Variants in PARL observed in about 807,000 individuals in gnomAD.
PARL encodes presenilin-associated rhomboid-like protein, mitochondrial.
PARL carries 44 observed loss-of-function variants against 51.6 expected under a neutral mutation model. The observed-to-expected ratio is 0.85, with a 90% CI of 0.67 to 1.10. The LOEUF is 1.10. Ranked by LOEUF, PARL falls within the 50% of genes least tolerant of loss-of-function variation. The pLI is 0.00. For synonymous variants in PARL, 172 were observed against 164.0 expected, an observed-to-expected ratio of 1.05 and a Z score of -0.37; for missense variants, 441 against 469.5, an observed-to-expected ratio of 0.94 and a Z score of 0.56.
intron 4 of PARL, among the ~76,000 whole-genome samples, chr3:183,860,814 C>CTTTTT (rs11405513): frequency 3.2e-5 from 4 of 126,730 alleles, no homozygotes; most frequent in Non-Finnish European, 6.5e-5. Context: ...AATTTCGTTA[C>CTTTTT]TTTTTTTTTT....
chr3:183,875,394 G>A lies in PARL; in HGVS notation c.126-7334C>T, dbSNP rs935221842. Among the ~76,000 whole-genome samples, 14 of 111,276 alleles carry A rather than the reference G, an allele frequency of 1.3e-4. No homozygotes were observed. The Admixed American group carries it at 2.0e-3, about 16-fold the overall frequency. The allele number at this position is 111,276 out of a possible 152,430, so 73.0% of individuals were successfully genotyped here. ...TGTGCCACTGCACTCCAGCCTGGGC[G>A]ACAGAGCAAGACTCTGTCTCCAAAA... On this transcript the variant is annotated intron_variant, in intron 1 of 9. Coordinates refer to ENST00000317096, the MANE Select transcript of PARL (RefSeq NM_018622.7).
chr3:183,867,996 T>G lies in PARL; in HGVS notation c.190A>C (p.Arg64=), dbSNP rs778184131. 1 of 1,614,186 alleles carries G rather than the reference T, an allele frequency of 6.2e-7. No homozygotes were observed. Among genetic ancestry groups the G allele is most frequent in the Non-Finnish European group, 8.5e-7 (1 of 1,179,998 alleles). Residue 64 remains arginine (R), a synonymous_variant, in exon 2 of 10, where the codon AGA becomes CGA. Transcript: ENST00000317096. The part of the protein sequence containing the change: ...RKAPRKVEPR[R]SDPGTSGEAY... ...TCACCACTTGTCCCTGGGTCTGATC[T>G]TCGAGGTTCAACCTTCCTGGGTGCT...
intron 6 of PARL, among the ~76,000 whole-genome samples, chr3:183,841,245 A>T (rs1382472532): frequency 6.6e-6 from 1 of 152,212 alleles, no homozygotes; most frequent in African/African-American, 2.4e-5. Context: ...ATGGAGCAGG[A>T]ATTAATGTAT....
chr3:183,884,578 G>C (rs1734905937), intron 1 of PARL, 144 bp downstream of exon 1: 1 of 783,352 alleles, frequency 1.3e-6, no homozygotes, highest in African/African-American at 1.7e-5. Context: ...GGACGGAGGC[G>C]AGAGAGGAGA....
intron 1 of PARL, among the ~76,000 whole-genome samples, chr3:183,871,822 T>G (rs1370496062): frequency 6.6e-6 from 1 of 152,128 alleles, no homozygotes; most frequent in Non-Finnish European, 1.5e-5. Context: ...TTAATCAGAA[T>G]GCACTGGCTG....
chr3:183,881,102 C>G (rs564294682), intron 1 of PARL, among the ~76,000 whole-genome samples: 1 of 150,214 alleles, frequency 6.7e-6, no homozygotes, highest in Non-Finnish European at 1.5e-5. Context: ...AGGCCTGTGC[C>G]ACCGCACAGC....
intron 1 of PARL, among the ~76,000 whole-genome samples, chr3:183,876,628 AAAAAAAAAAAGAAAAAGAAAAAG>A (rs1733863235): frequency 8.1e-6 from 1 of 122,818 alleles, no homozygotes; most frequent in African/African-American, 3.2e-5. Context: ...AAAAAAAAAA[AAAAAAAAAAAGAAAAAGAAAAAG>A]AAAGAAAGAA....
At chr3:183,829,980 C>T (rs1420741607) in intron 9 of PARL, among the ~76,000 whole-genome samples, 2 of 148,360 alleles carry the variant, frequency 1.3e-5, no homozygotes, top group Non-Finnish European at 3.0e-5. Flanking sequence ...AGTTAAGTAT[C>T]AGTTTTCCCA....
chr3:183,842,933 G>A (rs1205064826), intron 5 of PARL, among the ~76,000 whole-genome samples: 1 of 145,718 alleles, frequency 6.9e-6, no homozygotes. Context: ...GCAGTGGCAC[G>A]ATCTTGGCTC....
At chr3:183,876,971 G>A (rs1733924307) in intron 1 of PARL, among the ~76,000 whole-genome samples, 1 of 152,234 alleles carries the variant, frequency 6.6e-6, no homozygotes, top group Non-Finnish European at 1.5e-5. Context: ...CAGTACCCTG[G>A]GAGGCCGAGG....
In PARL at chr3:183,829,632, G is replaced by A. The variant is rs1330182898; in HGVS notation, c.1106C>T (p.Thr369Ile). The stretch of plus-strand genomic sequence containing the variant: ...GCCACCTCCTTTTTTGGGGCCATTA[G>A]TCCTTATTTCATGCCAGATTTTCAC... Reference protein sequence around the residue: ...PLVKIWHEIRTNGPKKGGGSK With the variant: ...PLVKIWHEIRINGPKKGGGSK The change falls in exon 10 of 10, where the codon ACT (threonine) becomes ATT (isoleucine). Residue 369 changes from threonine (T) to isoleucine (I), a missense_variant. By Grantham distance (89) the Thr-to-Ile change is moderately conservative (BLOSUM62 -1). Coordinates refer to ENST00000317096, the MANE Select transcript of PARL (RefSeq NM_018622.7). 4 of 1,614,124 alleles carry A rather than the reference G, an allele frequency of 2.5e-6. No individual in the cohort carries two copies. Among genetic ancestry groups the A allele is most frequent in the Non-Finnish European group, 3.4e-6 (4 of 1,180,004 alleles).
At chr3:183,854,247 A>G (rs1219813488) in intron 4 of PARL, among the ~76,000 whole-genome samples, 2 of 152,220 alleles carry the variant, frequency 1.3e-5, no homozygotes, top group Non-Finnish European at 2.9e-5. Context: ...ATCTCAAAAA[A>G]TAGAATCGAA....
intron 1 of PARL, among the ~76,000 whole-genome samples, chr3:183,875,642 A>T (rs965936381): frequency 3.9e-5 from 6 of 152,222 alleles, no homozygotes; most frequent in African/African-American, 1.4e-4. Context: ...GGTTTAAGGA[A>T]ACAAGCTGTC....
At chr3:183,840,079 A>G (rs1729109430) in intron 7 of PARL, among the ~76,000 whole-genome samples, 1 of 152,172 alleles carries the variant, frequency 6.6e-6, no homozygotes, top group Non-Finnish European at 1.5e-5. Flanking sequence ...TGAGGGCAGG[A>G]GCCTTTTTTG....
At chr3:183,853,129 G>A (rs1457931450) in intron 4 of PARL, among the ~76,000 whole-genome samples, 1 of 152,036 alleles carries the variant, frequency 6.6e-6, no homozygotes, top group Non-Finnish European at 1.5e-5. Context: ...ATAGACAACT[G>A]GGACTATATC....
chr3:183,880,143 A>G (rs1282915847), intron 1 of PARL, among the ~76,000 whole-genome samples: 2 of 152,126 alleles, frequency 1.3e-5, no homozygotes, highest in Admixed American at 1.3e-4. Flanking sequence ...TCCCAATCAG[A>G]TGGGTATATA....
intron 1 of PARL, among the ~76,000 whole-genome samples, chr3:183,882,890 C>T (rs984863357): frequency 6.6e-6 from 1 of 152,046 alleles, no homozygotes; most frequent in Non-Finnish European, 1.5e-5. Flanking sequence ...CATTCTTCTG[C>T]ACGCTAATTT....
intron 4 of PARL, among the ~76,000 whole-genome samples, chr3:183,847,591 A>C (rs567235810): frequency 6.6e-6 from 1 of 151,310 alleles, no homozygotes; most frequent in Non-Finnish European, 1.5e-5. Context: ...AAATAAAAAG[A>C]AAAAAAAGGG....
chr3:183,868,186 C>T (rs1732760689), intron 1 of PARL, 126 bp from the exon 2 acceptor site: 2 of 724,354 alleles, frequency 2.8e-6, no homozygotes, highest in Admixed American at 4.3e-5. Context: ...CAAAAACAGC[C>T]AAGACTCCTA....
Sources: gnomAD v4.1 joint callset for allele counts (sites outside exome capture counted in the v4.1 genomes callset) on GRCh38, gnomAD v4.1.1 for gene constraint, MANE v1.5 for transcripts, NCBI Gene and HGNC (gene_info 2026-07-23, HGNC 2026-07-21) for gene names.